The following ZNF184 variants were observed in gnomAD, a reference collection of about 807,000 sequenced individuals.
The protein encoded by ZNF184 is zinc finger protein 184 (Kruppel-like).
ZNF184 carries 16 observed loss-of-function variants against 54.4 expected under a neutral mutation model. The observed-to-expected ratio is 0.29, with a 90% CI of 0.20 to 0.45. The LOEUF is 0.45. Among genes scored for constraint, ZNF184 ranks in the 20% least tolerant of loss-of-function variants. The pLI is 1.00. For missense variants in ZNF184, 681 were observed against 888.2 expected, an observed-to-expected ratio of 0.77 and a Z score of 2.97; for synonymous variants, 254 against 295.3, an observed-to-expected ratio of 0.86 and a Z score of 1.43.
the ZNF184 span, among the ~76,000 whole-genome samples, chr6:27,436,306 G>C: frequency 6.6e-6 from 1 of 152,022 alleles, no homozygotes; most frequent in Non-Finnish European, 1.5e-5. Flanking sequence ...TGGGACTACA[G>C]GCACACGCCA....
At chr6:27,470,376 T>C (rs1763245354) in intron 2 of ZNF184, among the ~76,000 whole-genome samples, 1 of 152,196 alleles carries the variant, frequency 6.6e-6, no homozygotes, top group African/African-American at 2.4e-5. Flanking sequence ...CAGTTTCAAC[T>C]GTTTGGCTAA....
At chr6:27,414,241 C>G in the ZNF184 span, among the ~76,000 whole-genome samples, 1 of 152,298 alleles carries the variant, frequency 6.6e-6, no homozygotes, top group African/African-American at 2.4e-5. Flanking sequence ...TAACTTATCT[C>G]TTTGTTTTCA....
At chr6:27,428,978 G>A in the ZNF184 span, among the ~76,000 whole-genome samples, 6 of 152,176 alleles carry the variant, frequency 3.9e-5, no homozygotes, top group African/African-American at 1.4e-4. This position sits in a 1 kb window ranked among gnomAD's most constrained non-coding sequence, Gnocchi z 4.1. Flanking sequence ...CAGACACAAA[G>A]GGTCTCTTCT....
chr6:27,424,899 C>T, the ZNF184 span, among the ~76,000 whole-genome samples: 15 of 152,260 alleles, frequency 9.9e-5, no homozygotes, highest in South Asian at 1.7e-3. Context: ...CGGGGAGGCT[C>T]GGGCGGCACA....
At chr6:27,422,172 G>A in the ZNF184 span, among the ~76,000 whole-genome samples, 1 of 33,360 alleles carries the variant, frequency 3.0e-5, no homozygotes, top group African/African-American at 8.7e-5. Context: ...AAGAAAGAAA[G>A]AAAGAAAGAA....
chr6:27,465,511 C>CAAAAAAAAAAAAAAAAAAAAAAAAAAAAA (rs1345135612), intron 3 of ZNF184, among the ~76,000 whole-genome samples: 6 of 88,442 alleles, frequency 6.8e-5, no homozygotes, highest in African/African-American at 8.5e-5. Context: ...AAAAAAAAAG[C>CAAAAAAAAAAAAAAAAAAAAAAAAAAAAA]AAAACCCAAC....
Position 27,452,261 on chromosome 6 carries a change from A to C in ZNF184, c.1298T>G (p.Leu433Arg). The change falls in exon 6 of 6, where the codon CTC (leucine) becomes CGC (arginine). Residue 433 changes from leucine (L) to arginine (R), a missense_variant. By Grantham distance (102) the Leu-to-Arg change is moderately radical. Transcript: ENST00000683788. This position sits in a 1 kb window ranked among gnomAD's most constrained non-coding sequence, Gnocchi z 5.5. ...AGTATGAGTTTTTTGATGCTGAGTGAGGTTTGAGTGCTGGCTGAAGGCTTT... is the reference window on the plus strand; with the variant it reads ...AGTATGAGTTTTTTGATGCTGAGTGCGGTTTGAGTGCTGGCTGAAGGCTTT... ...CGKAFSQHSN[L>R]TQHQKTHTGE... 6.2e-7 allele frequency: 1 copy of C among 1,614,060 alleles called. No homozygotes were observed. Among genetic ancestry groups the C allele is most frequent in the Non-Finnish European group, 8.5e-7 (1 of 1,180,000 alleles).
chr6:27,433,570 C>T, the ZNF184 span, among the ~76,000 whole-genome samples: 1 of 152,204 alleles, frequency 6.6e-6, no homozygotes, highest in South Asian at 2.1e-4. Context: ...AGATACCTCA[C>T]CTAAGTGGAA....
intron 2 of ZNF184, among the ~76,000 whole-genome samples, chr6:27,470,819 T>A (rs1409377430): frequency 2.6e-5 from 4 of 152,104 alleles, no homozygotes; most frequent in African/African-American, 7.2e-5. Flanking sequence ...ATCCTAATGA[T>A]AAAATTGTGA....
Position 27,451,146 on chromosome 6 carries a change from A to C in ZNF184, c.*157T>G, listed in dbSNP as rs1762703453. 1 of 792,752 alleles carries C rather than the reference A, an allele frequency of 1.3e-6. No individual in the cohort carries two copies. The highest frequency in any genetic ancestry group is 2.8e-5 in the East Asian group (1 of 36,314). The allele number at this position is 792,752 out of a possible 1,614,324, so 49.1% of individuals were successfully genotyped here. ...CACAGAGTGGCTTAATAACAATTGG[A>C]TTAGTTCAGCCCAATGTACTTTCCA... On this transcript the variant is annotated 3_prime_UTR_variant, in exon 6 of 6. Coordinates refer to ENST00000683788, the MANE Select transcript of ZNF184 (RefSeq NM_001318891.2).
the ZNF184 span, among the ~76,000 whole-genome samples, chr6:27,445,630 C>G: frequency 6.7e-6 from 1 of 148,714 alleles, no homozygotes; most frequent in Non-Finnish European, 1.5e-5. Flanking sequence ...TTTGTTGGTG[C>G]CATGCATTTT....
At chr6:27,433,900 C>A in the ZNF184 span, among the ~76,000 whole-genome samples, 4 of 138,680 alleles carry the variant, frequency 2.9e-5, no homozygotes, top group Admixed American at 1.4e-4. Context: ...TCCTTCCTTT[C>A]TTTCTCTTTT....
Position 27,457,330 on chromosome 6 carries a change from A to C in ZNF184, c.155T>G (p.Leu52Trp). The C allele has an allele frequency of 6.2e-7, 1 of 1,614,120 alleles. No individual in the cohort carries two copies. Among genetic ancestry groups the C allele is most frequent in the Non-Finnish European group, 8.5e-7 (1 of 1,179,992 alleles). ...ATTTTCCAATGTCACATCCCTGAAC[A>C]AATCTCTCTGGCCAGGGTCCAGCTG... ...WKQLDPGQRD[L>W]FRDVTLENYT... The change falls in exon 4 of 6, where the codon TTG becomes TGG. Residue 52 changes from leucine (L) to tryptophan (W), a missense_variant. Coordinates refer to ENST00000683788, the MANE Select transcript of ZNF184 (RefSeq NM_001318891.2).
At chr6:27,429,104 G>A in the ZNF184 span, among the ~76,000 whole-genome samples, 1 of 152,166 alleles carries the variant, frequency 6.6e-6, no homozygotes. Flanking sequence ...GTCATAAAAG[G>A]TGTTGTGGTT....
chr6:27,441,011 AT>A, the ZNF184 span, among the ~76,000 whole-genome samples: 1 of 152,216 alleles, frequency 6.6e-6, no homozygotes, highest in African/African-American at 2.4e-5. Flanking sequence ...TCTCAAAAAA[AT>A]AAATAAATAA....
the ZNF184 span, among the ~76,000 whole-genome samples, chr6:27,409,760 A>G: frequency 4.6e-5 from 7 of 152,240 alleles, no homozygotes; most frequent in South Asian, 1.4e-3. Flanking sequence ...AGTGCAGCCT[A>G]ATGTACAGTG....
rs764640479 is a variant in ZNF184 at position 27,452,719 on chromosome 6, A to C, written c.840T>G (p.Cys280Trp). 9.3e-6 allele frequency: 15 copies of C among 1,614,034 alleles called. No individual in the cohort carries two copies. Among genetic ancestry groups the C allele is most frequent in the Non-Finnish European group, 1.0e-5 (12 of 1,180,012 alleles). ...CAATGAAGCCTTTTCCACACTGATC[A>C]CATTTATATGGTTTATCTCCAGTAT... The part of the protein sequence containing the change: ...RIHTGDKPYK[C>W]DQCGKGFIEG... Residue 280 changes from cysteine (C) to tryptophan (W), a missense_variant, in exon 6 of 6, where the codon TGT (cysteine) becomes TGG (tryptophan). Cys to Trp is a radical substitution (Grantham distance 215, BLOSUM62 -2). Transcript: ENST00000683788. This position sits in a 1 kb window ranked among gnomAD's most constrained non-coding sequence, Gnocchi z 5.5.
chr6:27,464,445 GA>G (rs958046308), intron 3 of ZNF184, among the ~76,000 whole-genome samples: 1 of 151,832 alleles, frequency 6.6e-6, no homozygotes, highest in Non-Finnish European at 1.5e-5. Flanking sequence ...AAACAAATAT[GA>G]ATCCCTAAAG....
At chr6:27,465,939 T>G (rs1763124846) in intron 3 of ZNF184, among the ~76,000 whole-genome samples, 1 of 152,208 alleles carries the variant, frequency 6.6e-6, no homozygotes, top group African/African-American at 2.4e-5. Context: ...AAGATGTCCA[T>G]GTCCCAACCC....
Sources: allele counts gnomAD v4.1 joint callset (sites outside exome capture counted in the v4.1 genomes callset), GRCh38; gene constraint gnomAD v4.1.1; non-coding constraint Gnocchi (gnomAD v3.1); transcripts MANE v1.5; gene names NCBI Gene and HGNC (gene_info 2026-07-23, HGNC 2026-07-21).